The following TYW5 variants were observed in gnomAD, a reference collection of about 807,000 sequenced individuals.
The protein encoded by TYW5 is tRNA-yW synthesizing protein 5.
A neutral mutation model predicts 44.4 loss-of-function variants in TYW5; 36 were observed. The ratio of observed to expected loss-of-function variants is 0.81; its 90% confidence interval spans 0.62 to 1.07. The LOEUF (loss-of-function observed/expected upper bound fraction) is 1.07. Among genes scored for constraint, TYW5 ranks in the 50% least tolerant of loss-of-function variants. The probability of loss-of-function intolerance (pLI) is 0.00; values close to 1 mark genes in which losing one functional copy is unlikely to be tolerated. For missense variants in TYW5, 354 were observed against 365.7 expected, an observed-to-expected ratio of 0.97 and a Z score of 0.26; for synonymous variants, 121 against 128.1, an observed-to-expected ratio of 0.94 and a Z score of 0.37.
intron 5 of TYW5, among the ~76,000 whole-genome samples, chr2:199,937,513 A>T (rs979509259): frequency 6.6e-6 from 1 of 152,030 alleles, no homozygotes; most frequent in Non-Finnish European, 1.5e-5. Flanking sequence ...AAATAAAAAA[A>T]AAAAAATTAG....
chr2:199,940,136 T>C lies in TYW5; in HGVS notation c.304-3A>G. ...GACCGTAAGTAGTATTTCTCATCCT[T>C]AAACACCCCAGAGAAAAATAACATC... On this transcript the variant is annotated splice_polypyrimidine_tract_variant and splice_region_variant and intron_variant, in intron 3 of 7. Transcript: ENST00000354611. 6.2e-7 allele frequency: 1 copy of C among 1,612,382 alleles called. No individual in the cohort carries two copies.
intron 5 of TYW5, among the ~76,000 whole-genome samples, chr2:199,937,147 A>AT (rs1180293203): frequency 6.6e-6 from 1 of 152,188 alleles, no homozygotes; most frequent in African/African-American, 2.4e-5. Context: ...GCAGAGTCAC[A>AT]TAATTCTCAG....
At chr2:199,946,265 C>T in intron 2 of TYW5, 1 of 152,248 alleles carries the variant, frequency 6.6e-6, no homozygotes, top group Non-Finnish European at 1.5e-5. Flanking sequence ...GGGTTAACAA[C>T]AATGATAATG....
At position 199,933,316 on chromosome 2, in the gene TYW5, C is replaced by G. The variant is rs757812759; in HGVS notation, c.699G>C (p.Trp233Cys). 2.5e-6 allele frequency: 4 copies of G among 1,593,972 alleles called. No individual in the cohort carries two copies. The highest frequency in any genetic ancestry group is 3.4e-6 in the Non-Finnish European group (4 of 1,173,082). ...ACTCTTCAGAAATTACATTATGGAA[C>G]CATAAAGCTGGAGAAAGTTTAAAAA... is the stretch of plus-strand genomic sequence containing the variant. ...AGDVLFIPAL[W>C]FHNVISEEFG... The change falls in exon 8 of 8, where the codon TGG (tryptophan) becomes TGC (cysteine). Residue 233 changes from tryptophan to cysteine, a missense_variant. Coordinates refer to ENST00000354611, the MANE Select transcript of TYW5 (RefSeq NM_001039693.3).
chr2:199,933,620 T>C (rs1212326746), intron 7 of TYW5, among the ~76,000 whole-genome samples: 2 of 152,332 alleles, frequency 1.3e-5, no homozygotes, highest in Admixed American at 6.5e-5. Context: ...TTCTCTAATC[T>C]AGGGCTGTGT....
intron 1 of TYW5, among the ~76,000 whole-genome samples, chr2:199,950,026 T>C (rs1055082247): frequency 1.3e-5 from 2 of 152,160 alleles, no homozygotes; most frequent in Non-Finnish European, 2.9e-5. Flanking sequence ...TTATACTTTC[T>C]CTGCCCAGCC....
chr2:199,935,908 T>C (rs765219940), intron 7 of TYW5, 23 bp downstream of exon 7: 2 of 1,459,776 alleles, frequency 1.4e-6, no homozygotes, highest in Non-Finnish European at 1.9e-6. Context: ...AAATAGCACA[T>C]TAGTGAGGTC....
In TYW5 at chr2:199,950,806, G is replaced by T. The variant is rs560014411; in HGVS notation, c.79-2334C>A. On this transcript the variant is annotated intron_variant, in intron 1 of 7. Transcript: ENST00000354611. ...CAGGTTGGAAAATGAAGAAAGGAGT[G>T]AATACAAAGTATGTAAAACAAAAAT... is the stretch of plus-strand genomic sequence containing the variant. Among the ~76,000 whole-genome samples, 12 of 152,264 alleles carry T rather than the reference G, an allele frequency of 7.9e-5. No homozygotes were observed. The South Asian group carries it at 1.9e-3, about 24-fold the overall frequency.
chr2:199,944,536 A>G (rs2077489660), intron 2 of TYW5: 1 of 152,258 alleles, frequency 6.6e-6, no homozygotes, highest in African/African-American at 2.4e-5. Context: ...TTGAGCTAGA[A>G]GGATATTCTT....
Position 199,938,938 on chromosome 2 carries a change from A to C in TYW5, c.481T>G (p.Tyr161Asp). Reference sequence around the variant, plus strand: ...TTCTCATTTATGTAGCATACATCATAATGAGTCCATAGTTGTAATCCTGGT... The same window carrying C: ...TTCTCATTTATGTAGCATACATCATCATGAGTCCATAGTTGTAATCCTGGT... ...SSPGLQLWTH[Y>D]DVMDNLLIQV... The change falls in exon 5 of 8, where the codon TAT becomes GAT. Residue 161 changes from tyrosine to aspartate, a missense_variant. Transcript: ENST00000354611. 1.9e-6 allele frequency: 3 copies of C among 1,604,722 alleles called. No individual in the cohort carries two copies. The highest frequency in any genetic ancestry group is 2.2e-5 in the South Asian group (2 of 89,900).
intron 1 of TYW5, among the ~76,000 whole-genome samples, chr2:199,952,428 T>A (rs1157437295): frequency 6.6e-6 from 1 of 152,218 alleles, no homozygotes; most frequent in Non-Finnish European, 1.5e-5. Context: ...GCTTTATTTC[T>A]CTTATGAGTA....
At chr2:199,951,792 G>A (rs1173900185) in intron 1 of TYW5, among the ~76,000 whole-genome samples, 1 of 151,920 alleles carries the variant, frequency 6.6e-6, no homozygotes. Flanking sequence ...CGAGGCAGGC[G>A]GATCACAAAG....
rs1574794897 is a variant in TYW5, at chr2:199,935,999, T to C, written c.623A>G (p.Tyr208Cys). Reference protein sequence around the residue: ...LNIDNPDLAKYPLFSKARRYE... With the variant: ...LNIDNPDLAKCPLFSKARRYE... ...TCTTCTAGCCTTGGAAAAAAGTGGA[T>C]ATTTAGCCAAGTCTGGGTTATCTAT... Residue 208 changes from tyrosine (Y) to cysteine (C), a missense_variant, in exon 7 of 8, where the codon TAT (tyrosine) becomes TGT (cysteine). Transcript: ENST00000354611. 1 of 1,613,248 alleles carries C rather than the reference T, an allele frequency of 6.2e-7. No individual in the cohort carries two copies. The highest frequency in any genetic ancestry group is 2.2e-5 in the East Asian group (1 of 44,740).
At chr2:199,941,060 AAATT>A (rs765969932) in intron 3 of TYW5, among the ~76,000 whole-genome samples, 38 of 152,308 alleles carry the variant, frequency 2.5e-4, no homozygotes, top group African/African-American at 7.0e-4. Flanking sequence ...TAAATTTTTT[AAATT>A]AATTAATTGT....
intron 2 of TYW5, chr2:199,944,892 T>C (rs1003044024): frequency 6.6e-6 from 1 of 152,230 alleles, no homozygotes; most frequent in Non-Finnish European, 1.5e-5. Flanking sequence ...AAACATGGTG[T>C]GAACCCATGA....
At chr2:199,946,058 T>C (rs926173895) in intron 2 of TYW5, 7 of 152,204 alleles carry the variant, frequency 4.6e-5, no homozygotes, top group Admixed American at 2.0e-4. Context: ...AGTAAACACC[T>C]TGGGTTCCAT....
chr2:199,935,077 C>T (rs2077408235), intron 7 of TYW5, among the ~76,000 whole-genome samples: 1 of 151,674 alleles, frequency 6.6e-6, no homozygotes, highest in Non-Finnish European at 1.5e-5. Flanking sequence ...AAATAATTTA[C>T]AAAACCAATC....
chr2:199,943,870 A>G (rs150904179), intron 2 of TYW5, 36 bp from the exon 3 acceptor site: 29 of 1,505,796 alleles, frequency 1.9e-5, no homozygotes, highest in Admixed American at 4.0e-5. Flanking sequence ...GGACTTAATA[A>G]TAACAGATCA....
At chr2:199,939,581 T>C (rs1220544445) in intron 4 of TYW5, among the ~76,000 whole-genome samples, 4 of 152,164 alleles carry the variant, frequency 2.6e-5, no homozygotes, top group Non-Finnish European at 5.9e-5. Flanking sequence ...GAACTAACAT[T>C]ACTAGCTATC....
Sources: gnomAD v4.1 joint callset for allele counts (sites outside exome capture counted in the v4.1 genomes callset) on GRCh38, gnomAD v4.1.1 for gene constraint, MANE v1.5 for transcripts, NCBI Gene and HGNC (gene_info 2026-07-23, HGNC 2026-07-21) for gene names.